FOXP2: variants seen among roughly 807,000 people sequenced by gnomAD.
FOXP2 encodes the protein forkhead box P2.
FOXP2 carries 12 observed loss-of-function variants against 115.8 expected under a neutral mutation model. The observed-to-expected ratio is 0.10, with a 90% confidence interval of 0.07 to 0.17. The LOEUF is 0.17. Ranked by LOEUF, FOXP2 falls within the 10% of genes least tolerant of loss-of-function variation. FOXP2 has a pLI of 1.00. For synonymous variants in FOXP2, 328 were observed against 297.7 expected (o/e 1.10, Z -1.05); for missense variants, 629 against 843.5 (o/e 0.75, Z 3.15).
At chr7:114,659,787 C>A (rs1806772883) in intron 13 of FOXP2, 114 bp downstream of exon 13, 9 of 817,460 alleles carry the variant, frequency 1.1e-5, no homozygotes. Context: ...CTCTTTTTAA[C>A]CTGCCTCTTG....
chr7:114,617,567 G>A (rs1239133835), intron 3 of FOXP2, among the ~76,000 whole-genome samples: 2 of 152,234 alleles, frequency 1.3e-5, no homozygotes, highest in African/African-American at 2.4e-5. Flanking sequence ...GCGGAGGCGG[G>A]TGGATCACCT....
chr7:114,167,439 T>C (rs1398569169), intron 1 of FOXP2, among the ~76,000 whole-genome samples: 2 of 152,176 alleles, frequency 1.3e-5, no homozygotes, highest in African/African-American at 2.4e-5. Context: ...TGAAGGTTTG[T>C]GGCAACCCTG....
At chr7:114,298,484 T>C (rs558677589) in intron 2 of FOXP2, among the ~76,000 whole-genome samples, 1 of 152,304 alleles carries the variant, frequency 6.6e-6, no homozygotes, top group South Asian at 2.1e-4. Context: ...TGTTGTAATA[T>C]CAGGTATTCT....
intron 3 of FOXP2, among the ~76,000 whole-genome samples, chr7:114,617,177 T>A (rs1260426092): frequency 1.3e-5 from 2 of 152,246 alleles, no homozygotes; most frequent in Non-Finnish European, 2.9e-5. Flanking sequence ...AATTTAAATT[T>A]AGCATACCAA....
rs575350201 is a variant in FOXP2 at position 114,494,099 on chromosome 7, T to A, written c.169-40518T>A. Reference sequence around the variant, plus strand: ...TAACTTTTTAATTATTACTTTTTTTTAAATGTCAAGAGATATACATATTTT... The same window carrying A: ...TAACTTTTTAATTATTACTTTTTTTAAAATGTCAAGAGATATACATATTTT... On this transcript the variant is annotated intron_variant, in intron 2 of 16. Transcript: ENST00000350908. 3.4e-4 allele frequency among the ~76,000 whole-genome samples: 51 copies of A among 152,146 alleles called. No homozygotes were observed. In the East Asian group the frequency reaches 5.0e-3, roughly 15 times the overall value.
At chr7:114,528,768 C>G (rs1266977100) in intron 2 of FOXP2, among the ~76,000 whole-genome samples, 1 of 149,238 alleles carries the variant, frequency 6.7e-6, no homozygotes, top group African/African-American at 2.5e-5. Flanking sequence ...ATATTGGTCT[C>G]ATAATGAAAA....
chr7:114,251,772 T>C (rs913892817), intron 1 of FOXP2, among the ~76,000 whole-genome samples: 17 of 152,228 alleles, frequency 1.1e-4, no homozygotes, highest in Non-Finnish European at 2.1e-4. Context: ...CCTAATTGAA[T>C]ATCCTTTCTT....
At chr7:114,215,444 CCAT>C (rs780136736) in intron 1 of FOXP2, among the ~76,000 whole-genome samples, 29 of 151,964 alleles carry the variant, frequency 1.9e-4, no homozygotes, top group Non-Finnish European at 3.7e-4. Flanking sequence ...CTAGGTTCAA[CCAT>C]AAGAAAATTT....
intron 3 of FOXP2, among the ~76,000 whole-genome samples, chr7:114,593,084 G>C (rs1054911367): frequency 6.6e-6 from 1 of 151,814 alleles, no homozygotes; most frequent in Non-Finnish European, 1.5e-5. Context: ...AATAGTTTCT[G>C]TTTTGGTTTC....
intron 1 of FOXP2, among the ~76,000 whole-genome samples, chr7:114,123,160 G>A (rs1355026756): frequency 6.6e-6 from 1 of 151,858 alleles, no homozygotes; most frequent in African/African-American, 2.4e-5. Flanking sequence ...AGACCAGCCT[G>A]GGCAACATAG....
intron 2 of FOXP2, among the ~76,000 whole-genome samples, chr7:114,533,080 C>T (rs1408962777): frequency 2.0e-5 from 3 of 151,846 alleles, no homozygotes; most frequent in African/African-American, 7.3e-5. Context: ...GAAATATTTA[C>T]GTTAATTTGT....
At chr7:114,241,896 A>G (rs759853256) in intron 1 of FOXP2, among the ~76,000 whole-genome samples, 4 of 151,360 alleles carry the variant, frequency 2.6e-5, no homozygotes, top group Admixed American at 6.6e-5. Flanking sequence ...CTTTCCCCCA[A>G]CTAAAACCAT....
At chr7:114,569,992 T>C (rs1247260398) in intron 3 of FOXP2, among the ~76,000 whole-genome samples, 1 of 151,978 alleles carries the variant, frequency 6.6e-6, no homozygotes, top group African/African-American at 2.4e-5. Flanking sequence ...CATCCTTTCA[T>C]ATCATACATG....
chr7:114,547,539 C>T (rs1290514640), intron 3 of FOXP2, among the ~76,000 whole-genome samples: 1 of 152,078 alleles, frequency 6.6e-6, no homozygotes, highest in Non-Finnish European at 1.5e-5. Context: ...GGGCGGGTCA[C>T]GAGGTCAGGA....
chr7:114,629,777 T>A (rs2129327404), intron 4 of FOXP2, 28 bp from the exon 5 acceptor site: 2 of 1,613,718 alleles, frequency 1.2e-6, no homozygotes, highest in Non-Finnish European at 1.7e-6. Flanking sequence ...TTTGCCTTTA[T>A]TTATTAAAGT....
intron 1 of FOXP2, among the ~76,000 whole-genome samples, chr7:114,147,177 C>CAT (rs1362959830): frequency 1.3e-5 from 2 of 152,074 alleles, no homozygotes; most frequent in East Asian, 1.9e-4. Context: ...ATTCATTTTA[C>CAT]ATATATATAA....
intron 3 of FOXP2, among the ~76,000 whole-genome samples, chr7:114,538,748 T>C (rs566868051): frequency 3.3e-5 from 5 of 151,824 alleles, no homozygotes; most frequent in Non-Finnish European, 7.4e-5. Flanking sequence ...CAGGATTGGG[T>C]ATATCTTGTT....
intron 1 of FOXP2, among the ~76,000 whole-genome samples, chr7:114,164,903 C>A (rs1584517524): frequency 6.6e-6 from 1 of 151,998 alleles, no homozygotes; most frequent in East Asian, 1.9e-4. Flanking sequence ...CAAATTACAG[C>A]ACAGATTATA....
chr7:114,144,115 C>CTG (rs1163182219), intron 1 of FOXP2, among the ~76,000 whole-genome samples: 2 of 152,104 alleles, frequency 1.3e-5, no homozygotes, highest in Non-Finnish European at 2.9e-5. Context: ...TGTTAAGTGT[C>CTG]TGAGCATGTT....
Sources: allele counts gnomAD v4.1 joint callset (sites outside exome capture counted in the v4.1 genomes callset), GRCh38; gene constraint gnomAD v4.1.1; transcripts MANE v1.5; gene names NCBI Gene and HGNC (gene_info 2026-07-23, HGNC 2026-07-21).